Variants in NSUN6 observed in about 807,000 individuals in gnomAD.
NSUN6 encodes tRNA (cytosine(72)-C(5))-methyltransferase NSUN6.
In NSUN6, 64 loss-of-function variants were observed where a neutral mutation model predicts 58.0. That is an observed-to-expected ratio of 1.10 (90% confidence interval 0.90 to 1.36). The LOEUF (loss-of-function observed/expected upper bound fraction) is 1.36, where lower values mean the gene tolerates loss of function less well. NSUN6 is among the 40% of genes most tolerant of loss of function. NSUN6 has a pLI of 0.00. For synonymous variants in NSUN6, 231 were observed against 193.9 expected (o/e 1.19, Z -1.59); for missense variants, 701 against 550.1 (o/e 1.27, Z -2.74).
At chr10:18,575,496 G>C (rs2056603841) in intron 8 of NSUN6, among the ~76,000 whole-genome samples, 1 of 152,086 alleles carries the variant, frequency 6.6e-6, no homozygotes, top group Non-Finnish European at 1.5e-5. Flanking sequence ...TACTAATAGA[G>C]AACATTGATT....
intron 8 of NSUN6, among the ~76,000 whole-genome samples, chr10:18,574,823 G>A (rs1402146956): frequency 6.6e-6 from 1 of 152,132 alleles, no homozygotes; most frequent in East Asian, 1.9e-4. Context: ...AATCACCCGA[G>A]TACTGAATAA....
At chr10:18,555,352 T>TATGGAGAATGGAATGGA (rs1164093941) in intron 8 of NSUN6, among the ~76,000 whole-genome samples, 1 of 124,470 alleles carries the variant, frequency 8.0e-6, no homozygotes, top group Non-Finnish European at 1.8e-5. Context: ...AATGGAATGG[T>TATGGAGAATGGAATGGA]ATGGAGAATG....
intron 8 of NSUN6, among the ~76,000 whole-genome samples, chr10:18,575,463 T>G (rs1426583434): frequency 6.6e-6 from 1 of 152,156 alleles, no homozygotes; most frequent in African/African-American, 2.4e-5. Flanking sequence ...AGGCCCTAAT[T>G]GAAAATATAG....
At chr10:18,582,202 C>T (rs1342560047) in intron 8 of NSUN6, among the ~76,000 whole-genome samples, 3 of 152,216 alleles carry the variant, frequency 2.0e-5, no homozygotes, top group Non-Finnish European at 4.4e-5. Context: ...TTCTGGGAGA[C>T]TACCTTTCCC....
intron 6 of NSUN6, among the ~76,000 whole-genome samples, chr10:18,607,170 T>A (rs2058077239): frequency 1.3e-5 from 2 of 152,322 alleles, no homozygotes; most frequent in Admixed American, 6.5e-5. Flanking sequence ...TGTCATTTAA[T>A]CCACTTTATA....
chr10:18,635,187 A>C (rs2059172015), intron 3 of NSUN6, among the ~76,000 whole-genome samples: 1 of 152,178 alleles, frequency 6.6e-6, no homozygotes, highest in Non-Finnish European at 1.5e-5. Flanking sequence ...TGTCACAATT[A>C]GGTGCTGGAG....
intron 8 of NSUN6, among the ~76,000 whole-genome samples, chr10:18,582,502 G>A (rs181534945): frequency 6.6e-6 from 1 of 152,284 alleles, no homozygotes; most frequent in East Asian, 1.9e-4. Context: ...GTTTATGAGA[G>A]AATCAAGGTA....
chr10:18,616,148 G>T, intron 4 of NSUN6, 36 bp downstream of exon 4: 1 of 1,149,182 alleles, frequency 8.7e-7, no homozygotes, highest in South Asian at 1.3e-5. Flanking sequence ...ATAAATTTTA[G>T]AGAACCTTAA....
chr10:18,557,046 GAATGGAATGGAA>G (rs942946950), intron 8 of NSUN6, among the ~76,000 whole-genome samples: 16 of 151,508 alleles, frequency 1.1e-4, no homozygotes, highest in Admixed American at 8.6e-4. Context: ...ATGGAAAGTG[GAATGGAATGGAA>G]AATGGAATGG....
At chr10:18,599,039 C>A (rs1203246107) in intron 6 of NSUN6, among the ~76,000 whole-genome samples, 1 of 151,980 alleles carries the variant, frequency 6.6e-6, no homozygotes, top group Non-Finnish European at 1.5e-5. Context: ...AAATAGCAGG[C>A]TTATTTTTTA....
intron 8 of NSUN6, among the ~76,000 whole-genome samples, chr10:18,557,953 C>G (rs1295061846): frequency 6.9e-6 from 1 of 144,844 alleles, no homozygotes; most frequent in Non-Finnish European, 1.5e-5. Context: ...GGAAGGTAAT[C>G]AAGAATTGAA....
Position 18,601,158 on chromosome 10 carries a change from G to A in NSUN6, c.658-4831C>T, listed in dbSNP as rs76147210. 2.1e-3 allele frequency among the ~76,000 whole-genome samples: 314 copies of A among 151,336 alleles called. 9 individuals carry two copies. The East Asian group carries it at 0.04, about 19-fold the overall frequency. On this transcript the variant is annotated intron_variant, in intron 6 of 10. Transcript: ENST00000377304. ...TTAAGTTATAAACCAGTGCAGGCTT[G>A]AGATAATATATATTCAAAGTGCCTA...
intron 3 of NSUN6, among the ~76,000 whole-genome samples, chr10:18,625,063 T>A (rs2058744641): frequency 6.6e-6 from 1 of 152,158 alleles, no homozygotes; most frequent in Non-Finnish European, 1.5e-5. Flanking sequence ...CACAATTAGG[T>A]GCTGGAGGAA....
upstream of NSUN6, chr10:18,658,618 A>G: frequency 2.1e-6 from 2 of 958,340 alleles, no homozygotes; most frequent in Non-Finnish European, 2.5e-6. Flanking sequence ...GCTATGTGTT[A>G]TTATTATGTG....
At position 18,597,776 on chromosome 10, in the gene NSUN6, A is replaced by C. The variant is rs2057650483; in HGVS notation, c.658-1449T>G. On this transcript the variant is annotated intron_variant, in intron 6 of 10. Coordinates refer to ENST00000377304, the MANE Select transcript of NSUN6 (RefSeq NM_182543.5). ...AGCGAAACTCCATCTAAAAATAAAT[A>C]AATAAATAAATACATACAAACATAC... 3.3e-5 allele frequency among the ~76,000 whole-genome samples: 5 copies of C among 152,236 alleles called. No homozygotes were observed. The South Asian group carries it at 1.0e-3, about 32-fold the overall frequency.
chr10:18,554,917 C>T (rs911008884), intron 8 of NSUN6, among the ~76,000 whole-genome samples: 2 of 132,284 alleles, frequency 1.5e-5, no homozygotes, highest in South Asian at 2.4e-4. Flanking sequence ...ATGGAAGAAA[C>T]GGAATGGAAT....
At chr10:18,594,180 C>T (rs2057489458) in intron 7 of NSUN6, among the ~76,000 whole-genome samples, 1 of 143,208 alleles carries the variant, frequency 7.0e-6, no homozygotes, top group Admixed American at 7.2e-5. Context: ...CCAGCCTCAG[C>T]GACAGAGCAA....
intron 3 of NSUN6, among the ~76,000 whole-genome samples, chr10:18,638,801 GGGAAATCTGCTAAGTGACT>G (rs2059300994): frequency 6.6e-6 from 1 of 151,894 alleles, no homozygotes; most frequent in South Asian, 2.1e-4. Flanking sequence ...CAGGGGGTGC[GGGAAATCTGCTAAGTGACT>G]GTACTCACCA....
intron 7 of NSUN6, among the ~76,000 whole-genome samples, chr10:18,588,840 A>C (rs1589973970): frequency 6.6e-6 from 1 of 152,356 alleles, no homozygotes; most frequent in East Asian, 1.9e-4. Flanking sequence ...TGAAAATTCC[A>C]AAAACCAGAA....
Sources: gnomAD v4.1 joint callset for allele counts (sites outside exome capture counted in the v4.1 genomes callset) on GRCh38, gnomAD v4.1.1 for gene constraint, MANE v1.5 for transcripts, NCBI Gene and HGNC (gene_info 2026-07-23, HGNC 2026-07-21) for gene names.